The following WDR86 variants were observed in gnomAD, a reference collection of about 807,000 sequenced individuals.
The protein encoded by WDR86 is WD repeat-containing protein 86.
A neutral mutation model predicts 36.5 loss-of-function variants in WDR86; 30 were observed. The observed-to-expected ratio is 0.82, with a 90% CI of 0.61 to 1.11. The LOEUF (loss-of-function observed/expected upper bound fraction) is 1.11. Among genes scored for constraint, WDR86 ranks in the 50% most tolerant of loss-of-function variants. WDR86 has a pLI of 0.00. For missense variants in WDR86, 545 were observed against 561.2 expected (o/e 0.97, Z 0.29); for synonymous variants, 255 against 252.9 (o/e 1.01, Z -0.08).
chr7:151,384,801 A>T (rs1293843027), intron 4 of WDR86, among the ~76,000 whole-genome samples: 1 of 152,160 alleles, frequency 6.6e-6, no homozygotes, highest in Non-Finnish European at 1.5e-5. Flanking sequence ...TCACTTGGAG[A>T]ATTAGGATAC....
In WDR86 at chr7:151,381,630, G is replaced by C; in HGVS notation, c.1083C>G (p.Leu361=). The part of the protein sequence containing the change: ...PPPPMRSLSR[L]FSNKVGCAAA... Reference sequence around the variant, plus strand: ...CGGCGCAGCCCACCTTGTTGCTGAAGAGCCGCGAGAGGCTGCGCATGGGCG... The same window carrying C: ...CGGCGCAGCCCACCTTGTTGCTGAACAGCCGCGAGAGGCTGCGCATGGGCG... The change falls in exon 6 of 6, where the codon CTC becomes CTG. Residue 361 remains leucine, a synonymous_variant. Coordinates refer to ENST00000334493, the MANE Select transcript of WDR86 (RefSeq NM_198285.3). This position sits in a 1 kb window ranked among gnomAD's most constrained non-coding sequence, Gnocchi z 4.8. 2.2e-6 allele frequency: 3 copies of C among 1,383,192 alleles called. No individual in the cohort carries two copies. The highest frequency in any genetic ancestry group is 3.0e-5 in the East Asian group (1 of 33,258). The allele number at this position is 1,383,192 out of a possible 1,614,324, so 85.7% of individuals were successfully genotyped here.
rs750415140 is a variant in WDR86 at position 151,385,067 on chromosome 7, G to T, written c.862+21C>A. 6 of 1,576,848 alleles carry T rather than the reference G, an allele frequency of 3.8e-6. No homozygotes were observed. In the East Asian group the frequency reaches 9.0e-5, roughly 24 times the overall value. ...AAGCCAGGCTGGGGTGGCACAGGTC[G>T]TGCAGGGCCAAGTCACTTACAGGTG... On this transcript the variant is annotated intron_variant, in intron 4 of 5. Transcript: ENST00000334493.
At chr7:151,395,742 C>G in intron 3 of WDR86, 34 bp downstream of exon 3, 2 of 1,520,372 alleles carry the variant, frequency 1.3e-6, no homozygotes, top group Non-Finnish European at 8.9e-7. Context: ...CCTGGGCTCC[C>G]CTGGCTGCTG....
Position 151,381,863 on chromosome 7 carries a change from G to C in WDR86, c.966+15C>G. 1.2e-6 allele frequency: 2 copies of C among 1,601,148 alleles called. No homozygotes were observed. The highest frequency in any genetic ancestry group is 1.7e-6 in the Non-Finnish European group (2 of 1,174,474). On this transcript the variant is annotated intron_variant, in intron 5 of 5. Transcript: ENST00000334493. This position sits in a 1 kb window ranked among gnomAD's most constrained non-coding sequence, Gnocchi z 4.8. The stretch of plus-strand genomic sequence containing the variant: ...TCCCACGGGCGGCGGCCCCGAGAAG[G>C]GCAGAGGGACCTACCTGGATGCAGT...
In WDR86 at chr7:151,381,908, C is replaced by T. The variant is rs368295482; in HGVS notation, c.936G>A (p.Arg312=). 2.5e-5 allele frequency: 40 copies of T among 1,610,480 alleles called. No homozygotes were observed. Among genetic ancestry groups the T allele is most frequent in the Non-Finnish European group, 3.2e-5 (38 of 1,178,854 alleles). Residue 312 remains arginine, a synonymous_variant, in exon 5 of 6, where the codon CGG becomes CGA. Transcript: ENST00000334493. The surrounding 1 kb of genome is among the most constrained non-coding windows in gnomAD (Gnocchi z 4.8). ...AQSGELRRVF[R]GHTFIINCIQ... Reference sequence around the variant, plus strand: ...TGCAGTTGATGATGAATGTGTGGCCCCGGAACACCCTCCGCAGCTCTCCAG... The same window carrying T: ...TGCAGTTGATGATGAATGTGTGGCCTCGGAACACCCTCCGCAGCTCTCCAG...
upstream of WDR86, chr7:151,410,053 C>G: frequency 1.0e-6 from 1 of 987,390 alleles, no homozygotes. Context: ...CCTGGCTCCT[C>G]CTCAGAGACC....
At chr7:151,410,074 C>T (rs1222769464), upstream of WDR86, 10 of 986,212 alleles carry the variant, frequency 1.0e-5, no homozygotes, top group African/African-American at 1.7e-5. Context: ...ACCCCTCACC[C>T]GATCCCCTCC....
chr7:151,408,684 T>C (rs1473979434), intron 1 of WDR86: 1 of 336,490 alleles, frequency 3.0e-6, no homozygotes, highest in Non-Finnish European at 6.0e-6. Flanking sequence ...GTGTGCTACC[T>C]GGGCAGTAGG....
At chr7:151,376,452 C>T (rs1584979396), downstream of WDR86, 8 of 614,404 alleles carry the variant, frequency 1.3e-5, no homozygotes, top group Non-Finnish European at 2.2e-5. Flanking sequence ...TTGAGTCTTC[C>T]AAGCCCCCTT....
rs549406540 is a variant in WDR86 at position 151,385,141 on chromosome 7, G to A, written c.809C>T (p.Thr270Met). The A allele has an allele frequency of 1.4e-5, 22 of 1,612,754 alleles. No homozygotes were observed. Among genetic ancestry groups the A allele is most frequent in the East Asian group, 2.2e-5 (1 of 44,890 alleles). The change falls in exon 4 of 6, where the codon ACG (threonine) becomes ATG (methionine). Residue 270 changes from threonine (T) to methionine (M), a missense_variant. Coordinates refer to ENST00000334493, the MANE Select transcript of WDR86 (RefSeq NM_198285.3). ...CACGTTGCGTCTGTGGGCCGTGAAC[G>A]TGCGCACACACTCCCCTGTGTCTGC... ...WLADTGECVR[T>M]FTAHRRNVSA...
At chr7:151,376,283 G>A (rs1350252868), downstream of WDR86, 5 of 468,450 alleles carry the variant, frequency 1.1e-5, no homozygotes, top group Non-Finnish European at 1.9e-5. Context: ...TGTATCCCAA[G>A]TGACGGCTCT....
chr7:151,396,230 AG>A (rs774911713), intron 2 of WDR86, 34 bp from the exon 3 acceptor site: 10 of 1,611,664 alleles, frequency 6.2e-6, no homozygotes, highest in Non-Finnish European at 8.5e-6. Flanking sequence ...AGGGATCAGA[AG>A]GCACGGGTTC....
intron 3 of WDR86, among the ~76,000 whole-genome samples, chr7:151,386,425 G>A (rs1466061411): frequency 1.3e-5 from 2 of 152,216 alleles, no homozygotes; most frequent in African/African-American, 2.4e-5. Context: ...GGCAGAGGCT[G>A]CAGGTGCTTC....
intron 2 of WDR86, among the ~76,000 whole-genome samples, chr7:151,398,226 ATG>A (rs1800012254): frequency 6.6e-6 from 1 of 151,710 alleles, no homozygotes. Flanking sequence ...TTGTGTGTCT[ATG>A]TGTGTGCATG....
At chr7:151,375,804 AAG>A, downstream of WDR86, 1 of 1,302,732 alleles carries the variant, frequency 7.7e-7, no homozygotes, top group Non-Finnish European at 1.1e-6. Context: ...TGAATGTGTG[AAG>A]AGTTCTTAGT....
chr7:151,377,427 G>GC, downstream of WDR86: 1 of 435,654 alleles, frequency 2.3e-6, no homozygotes, highest in Non-Finnish European at 4.1e-6. Context: ...CTGGCCTGGC[G>GC]CAGGCCGTTC....
Position 151,381,390 on chromosome 7 carries a change from G to C in WDR86, c.*192C>G. 1 of 1,465,820 alleles carries C rather than the reference G, an allele frequency of 6.8e-7. No homozygotes were observed. Among genetic ancestry groups the C allele is most frequent in the Non-Finnish European group, 8.9e-7 (1 of 1,118,332 alleles). The allele number at this position is 1,465,820 out of a possible 1,614,324, so 90.8% of individuals were successfully genotyped here. A position where few individuals can be genotyped will look rare whatever the true frequency, so the allele number is the denominator to read the frequency against. On this transcript the variant is annotated 3_prime_UTR_variant, in exon 6 of 6. Transcript: ENST00000334493. This position sits in a 1 kb window ranked among gnomAD's most constrained non-coding sequence, Gnocchi z 4.8. ...GGGAAAAGGGGGCGGTCCCCAGGGC[G>C]AGCACTCCCGCTCCCAGCGCCTCCT...
At chr7:151,395,110 C>T (rs1277687383) in intron 3 of WDR86, among the ~76,000 whole-genome samples, 4 of 152,220 alleles carry the variant, frequency 2.6e-5, no homozygotes, top group African/African-American at 9.7e-5. Flanking sequence ...CATTACAGCG[C>T]TATGTGCTTC....
In WDR86 at chr7:151,409,428, T is replaced by C. The variant is rs572692556; in HGVS notation, c.162A>G (p.Gln54=). 7.7e-6 allele frequency: 12 copies of C among 1,553,602 alleles called. No individual in the cohort carries two copies. In the African/African-American group the frequency reaches 1.4e-4, roughly 18 times the overall value. Residue 54 remains glutamine (Q), a splice_region_variant and synonymous_variant, in exon 1 of 6, where the codon CAA becomes CAG. Coordinates refer to ENST00000334493, the MANE Select transcript of WDR86 (RefSeq NM_198285.3). This position sits in a 1 kb window ranked among gnomAD's most constrained non-coding sequence, Gnocchi z 5.2. ...CAGGGAGGGAGTGGGAGGGTCTACCTTGCAGGAGCGCGCAGCACTGGCCGT... is the reference window on the plus strand; with the variant it reads ...CAGGGAGGGAGTGGGAGGGTCTACCCTGCAGGAGCGCGCAGCACTGGCCGT... The part of the protein sequence containing the change: ...TADGQCCALL[Q]GHESYVTFCQ...
Sources: allele counts gnomAD v4.1 joint callset (sites outside exome capture counted in the v4.1 genomes callset), GRCh38; gene constraint gnomAD v4.1.1; non-coding constraint Gnocchi (gnomAD v3.1); transcripts MANE v1.5; gene names NCBI Gene and HGNC (gene_info 2026-07-23, HGNC 2026-07-21).